PDE6D: variants seen among roughly 807,000 people sequenced by gnomAD.
The protein encoded by PDE6D is retinal rod rhodopsin-sensitive cGMP 3',5'-cyclic phosphodiesterase subunit delta.
In PDE6D, 10 loss-of-function variants were observed where a neutral mutation model predicts 21.9. That is an observed-to-expected ratio of 0.46 (90% CI 0.28 to 0.78). The LOEUF is 0.78. Ranked by LOEUF, PDE6D falls within the 30% of genes least tolerant of loss-of-function variation. The pLI, the probability that PDE6D is intolerant of heterozygous loss-of-function variation, is 0.12. For synonymous variants in PDE6D, 59 were observed against 63.5 expected, an observed-to-expected ratio of 0.93 and a Z score of 0.34; for missense variants, 139 against 184.8, an observed-to-expected ratio of 0.75 and a Z score of 1.44.
chr2:231,737,451 G>C lies in PDE6D; in HGVS notation c.266-159C>G, dbSNP rs1484039430. 5.3e-6 allele frequency: 3 copies of C among 562,494 alleles called. No homozygotes were observed. The South Asian group carries it at 6.7e-5, about 12-fold the overall frequency. 34.8% of individuals were successfully genotyped at this position (562,494 alleles called of 1,614,324 possible). ...CCAGGGGCGTAAAAAAGACAGGGAA[G>C]CCTGCTCAGGTTGTCCTCTGAACCA... On this transcript the variant is annotated intron_variant, in intron 3 of 4. Transcript: ENST00000287600.
At chr2:231,751,712 G>C (rs1378345525) in intron 1 of PDE6D, among the ~76,000 whole-genome samples, 1 of 151,986 alleles carries the variant, frequency 6.6e-6, no homozygotes, top group Non-Finnish European at 1.5e-5. Flanking sequence ...TGGAGTTATG[G>C]GTTTTTTGGG....
At chr2:231,760,294 C>A (rs563710957) in intron 1 of PDE6D, among the ~76,000 whole-genome samples, 1 of 152,268 alleles carries the variant, frequency 6.6e-6, no homozygotes, top group African/African-American at 2.4e-5. Context: ...ACAGTCTTCA[C>A]ATTCAGTATC....
intron 1 of PDE6D, among the ~76,000 whole-genome samples, chr2:231,770,461 G>C (rs1459335280): frequency 6.6e-6 from 1 of 152,112 alleles, no homozygotes; most frequent in African/African-American, 2.4e-5. Context: ...GAATATAGGA[G>C]ATATGACCAC....
At chr2:231,742,788 C>T (rs1359063926) in intron 1 of PDE6D, among the ~76,000 whole-genome samples, 1 of 152,122 alleles carries the variant, frequency 6.6e-6, no homozygotes, top group African/African-American at 2.4e-5. Context: ...TCCTTTTCTC[C>T]CAGCCCTGGC....
intron 1 of PDE6D, among the ~76,000 whole-genome samples, chr2:231,762,322 G>T (rs1025216923): frequency 6.9e-6 from 1 of 145,612 alleles, no homozygotes; most frequent in African/African-American, 2.6e-5. Context: ...AATCTGAAGT[G>T]GATTCAAGGA....
chr2:231,766,818 C>G (rs558004286), intron 1 of PDE6D, among the ~76,000 whole-genome samples: 2 of 151,804 alleles, frequency 1.3e-5, no homozygotes, highest in East Asian at 3.9e-4. Flanking sequence ...CAACTGAAAC[C>G]CTGTCTCTAC....
chr2:231,770,182 T>C (rs1024233173), intron 1 of PDE6D, among the ~76,000 whole-genome samples: 6 of 152,222 alleles, frequency 3.9e-5, no homozygotes, highest in African/African-American at 1.4e-4. Flanking sequence ...CTTGTGCTTA[T>C]CAGACTTGAG....
chr2:231,760,524 T>C (rs1231542091), intron 1 of PDE6D, among the ~76,000 whole-genome samples: 3 of 152,162 alleles, frequency 2.0e-5, no homozygotes, highest in Non-Finnish European at 4.4e-5. Context: ...AGTGGTCAAG[T>C]TGGTTTTTGA....
At chr2:231,774,593 C>CT (rs141853180) in intron 1 of PDE6D, among the ~76,000 whole-genome samples, 126 of 147,732 alleles carry the variant, frequency 8.5e-4, no homozygotes, top group Admixed American at 1.8e-3. Flanking sequence ...TGAATATTAT[C>CT]TTTTTTTTTT....
intron 1 of PDE6D, among the ~76,000 whole-genome samples, chr2:231,767,228 T>C (rs2048978236): frequency 6.6e-6 from 1 of 152,192 alleles, no homozygotes; most frequent in Non-Finnish European, 1.5e-5. Flanking sequence ...ATAGCAAGCA[T>C]AGTGCATTTG....
intron 1 of PDE6D, among the ~76,000 whole-genome samples, chr2:231,776,375 A>G (rs939269981): frequency 2.0e-5 from 3 of 152,034 alleles, no homozygotes; most frequent in Admixed American, 6.6e-5. Flanking sequence ...AGTGAAAGCA[A>G]CTGAAAGTAA....
At chr2:231,746,474 ATTC>A (rs1559315295) in intron 1 of PDE6D, among the ~76,000 whole-genome samples, 1 of 152,170 alleles carries the variant, frequency 6.6e-6, no homozygotes. Flanking sequence ...CTCCAAGATA[ATTC>A]TTCTTCCAAT....
chr2:231,768,858 G>A (rs1257670946), intron 1 of PDE6D, among the ~76,000 whole-genome samples: 4 of 152,022 alleles, frequency 2.6e-5, no homozygotes, highest in Non-Finnish European at 4.4e-5. Context: ...TTTGGTCATG[G>A]AAACTGGTTT....
At position 231,740,726 on chromosome 2, in the gene PDE6D, T is replaced by TA. The variant is rs538754142; in HGVS notation, c.51-1539dup. Among the ~76,000 whole-genome samples the TA allele has an allele frequency of 5.4e-5, 8 of 148,280 alleles. No individual in the cohort carries two copies. The South Asian group carries it at 1.5e-3, about 28-fold the overall frequency. On this transcript the variant is annotated intron_variant, in intron 1 of 4. Coordinates refer to ENST00000287600, the MANE Select transcript of PDE6D (RefSeq NM_002601.4). ...AAAGGAGAGTAAAGGCACAAAAACT[T>TA]ATAGTCCAAGAATAGTCCAAGAGTT... is the stretch of plus-strand genomic sequence containing the variant.
In PDE6D at chr2:231,737,937, T is replaced by A. The variant is rs532600811; in HGVS notation, c.265+76A>T. On this transcript the variant is annotated intron_variant, in intron 3 of 4. Coordinates refer to ENST00000287600, the MANE Select transcript of PDE6D (RefSeq NM_002601.4). The stretch of plus-strand genomic sequence containing the variant: ...AAAGGAATGTTATCAAAGCACTGCT[T>A]TAGTTCACTGGGTATTGTTGCCTTT... The A allele has an allele frequency of 1.5e-4, 202 of 1,378,308 alleles. No individual in the cohort carries two copies. In the African/African-American group the frequency reaches 2.4e-3, roughly 16 times the overall value. 85.4% of individuals were successfully genotyped at this position (1,378,308 alleles called of 1,614,324 possible).
At chr2:231,734,727 G>GTC (rs1300338842) in intron 4 of PDE6D, among the ~76,000 whole-genome samples, 2 of 150,242 alleles carry the variant, frequency 1.3e-5, no homozygotes, top group African/African-American at 4.9e-5. Flanking sequence ...GGTGCCTGTA[G>GTC]TCTCAGCTAC....
chr2:231,765,248 G>T (rs2048960805), intron 1 of PDE6D, among the ~76,000 whole-genome samples: 1 of 152,050 alleles, frequency 6.6e-6, no homozygotes, highest in South Asian at 2.1e-4. Context: ...ACTTCAGCCT[G>T]GGTGGCAAAG....
intron 1 of PDE6D, among the ~76,000 whole-genome samples, chr2:231,741,113 CAAAAAA>C (rs56947117): frequency 3.6e-5 from 2 of 54,860 alleles, no homozygotes; most frequent in Non-Finnish European, 6.4e-5. Flanking sequence ...AACCCTGTCT[CAAAAAA>C]AAAAAAAAAA....
chr2:231,766,769 G>A (rs1359299329), intron 1 of PDE6D, among the ~76,000 whole-genome samples: 2 of 152,098 alleles, frequency 1.3e-5, no homozygotes, highest in Non-Finnish European at 2.9e-5. Context: ...GAGAAGGGTG[G>A]ATCATCTGAG....
Sources: gnomAD v4.1 joint callset for allele counts (sites outside exome capture counted in the v4.1 genomes callset) on GRCh38, gnomAD v4.1.1 for gene constraint, MANE v1.5 for transcripts, NCBI Gene and HGNC (gene_info 2026-07-23, HGNC 2026-07-21) for gene names.